The following MYRIP variants were observed in gnomAD, a reference collection of about 807,000 sequenced individuals.
The protein encoded by MYRIP is rab effector MyRIP.
In MYRIP, 49 loss-of-function variants were observed where a neutral mutation model predicts 98.0. That is an observed-to-expected ratio of 0.50 (90% confidence interval 0.40 to 0.63). The LOEUF is 0.63. Ranked by LOEUF, MYRIP falls within the 30% of genes least tolerant of loss-of-function variation. The pLI is 0.00. For missense variants in MYRIP, 1,004 were observed against 1,058.2 expected (o/e 0.95, Z 0.71); for synonymous variants, 404 against 409.5 (o/e 0.99, Z 0.16).
intron 10 of MYRIP, among the ~76,000 whole-genome samples, chr3:40,198,003 A>T (rs1365568431): frequency 6.6e-6 from 1 of 152,302 alleles, no homozygotes; most frequent in East Asian, 1.9e-4. Flanking sequence ...ACCTAGCCAC[A>T]GTATTGAATA....
chr3:40,140,452 GA>G (rs1198201216), intron 3 of MYRIP, among the ~76,000 whole-genome samples: 1 of 152,174 alleles, frequency 6.6e-6, no homozygotes. Flanking sequence ...TCGGTATAAT[GA>G]TTTCCTTTCA....
intron 11 of MYRIP, among the ~76,000 whole-genome samples, chr3:40,217,723 A>G (rs1952168244): frequency 6.6e-6 from 1 of 152,144 alleles, no homozygotes; most frequent in African/African-American, 2.4e-5. Flanking sequence ...TTTTCATCAA[A>G]TTGGGAAGTC....
intron 16 of MYRIP, among the ~76,000 whole-genome samples, chr3:40,257,200 T>A (rs1472617068): frequency 6.6e-6 from 1 of 152,138 alleles, no homozygotes; most frequent in Non-Finnish European, 1.5e-5. Context: ...GGCATATGCC[T>A]GTAGTCCCAG....
At chr3:40,008,894 C>T (rs968199133) in intron 2 of MYRIP, among the ~76,000 whole-genome samples, 2 of 152,206 alleles carry the variant, frequency 1.3e-5, no homozygotes, top group Non-Finnish European at 2.9e-5. Context: ...GCAGACACTG[C>T]GTGATGTTTC....
intron 2 of MYRIP, among the ~76,000 whole-genome samples, chr3:39,937,293 A>G (rs1203139066): frequency 6.6e-6 from 1 of 152,242 alleles, no homozygotes; most frequent in Non-Finnish European, 1.5e-5. Flanking sequence ...AAGAGAAAGT[A>G]GAGTCATGAG....
chr3:40,003,158 T>C (rs1946559761), intron 2 of MYRIP, among the ~76,000 whole-genome samples: 1 of 151,994 alleles, frequency 6.6e-6, no homozygotes. Flanking sequence ...CATCTATAGA[T>C]ATAAATACAG....
At chr3:40,002,600 T>A (rs1946544642) in intron 2 of MYRIP, among the ~76,000 whole-genome samples, 1 of 151,650 alleles carries the variant, frequency 6.6e-6, no homozygotes, top group Non-Finnish European at 1.5e-5. Context: ...GATCTGCTCA[T>A]AAACACAGCA....
intron 1 of MYRIP, among the ~76,000 whole-genome samples, chr3:39,884,043 G>A (rs755383323): frequency 1.3e-5 from 2 of 152,032 alleles, no homozygotes; most frequent in Non-Finnish European, 2.9e-5. Context: ...TTCTAGTCAC[G>A]TTATATTAAA....
chr3:39,996,381 T>A (rs1397916469), intron 2 of MYRIP, among the ~76,000 whole-genome samples: 1 of 152,056 alleles, frequency 6.6e-6, no homozygotes, highest in African/African-American at 2.4e-5. Context: ...GGGGTTGCAA[T>A]CCTAGTCTCT....
intron 12 of MYRIP, among the ~76,000 whole-genome samples, chr3:40,240,620 A>G (rs957359533): frequency 2.6e-5 from 4 of 152,150 alleles, no homozygotes; most frequent in Non-Finnish European, 5.9e-5. Context: ...TTTGAGAATT[A>G]TCTTGTCTCT....
At chr3:40,171,553 C>T (rs1274554396) in intron 8 of MYRIP, among the ~76,000 whole-genome samples, 1 of 152,174 alleles carries the variant, frequency 6.6e-6, no homozygotes, top group Non-Finnish European at 1.5e-5. Flanking sequence ...TCCCACAGCA[C>T]CCCAGACTCA....
Position 39,872,181 on chromosome 3 carries a change from T to G in MYRIP, c.-30-28606T>G, listed in dbSNP as rs374365778. ...ATAGTGCTTCTGATTATAAAGTTAA[T>G]GAATACTTACATAGAGAAATGTAAA... On this transcript the variant is annotated intron_variant, in intron 1 of 16. Transcript: ENST00000302541. Among the ~76,000 whole-genome samples the G allele has an allele frequency of 5.9e-5, 9 of 152,222 alleles. No individual in the cohort carries two copies. The East Asian group carries it at 1.2e-3, about 20-fold the overall frequency.
Position 40,250,424 on chromosome 3 carries a change from G to A in MYRIP, c.2368-15G>A. 6.2e-7 allele frequency: 1 copy of A among 1,614,122 alleles called. No individual in the cohort carries two copies. The highest frequency in any genetic ancestry group is 8.5e-7 in the Non-Finnish European group (1 of 1,179,994). ...GCTCTGCAAAGGTATATTGCTCATT[G>A]TGTTCTGTTTGTAGGTACAAACCAT... On this transcript the variant is annotated splice_polypyrimidine_tract_variant and intron_variant, in intron 14 of 16. Transcript: ENST00000302541.
chr3:40,243,696 C>T (rs1953097415), intron 12 of MYRIP, among the ~76,000 whole-genome samples: 1 of 152,174 alleles, frequency 6.6e-6, no homozygotes, highest in Admixed American at 6.5e-5. Flanking sequence ...TTCACCCTGG[C>T]CCACATCCCT....
intron 2 of MYRIP, among the ~76,000 whole-genome samples, chr3:39,992,186 C>T (rs1454054720): frequency 1.3e-5 from 2 of 152,112 alleles, no homozygotes; most frequent in East Asian, 1.9e-4. Flanking sequence ...AATCTGCTAT[C>T]CCCTACAGTG....
intron 3 of MYRIP, among the ~76,000 whole-genome samples, chr3:40,142,047 ATT>A (rs768094065): frequency 2.4e-3 from 228 of 95,940 alleles, no homozygotes; most frequent in African/African-American, 5.4e-3. Context: ...TATGCTGTTG[ATT>A]TTTTTTTTTT....
At chr3:39,895,387 A>G (rs1943583394) in intron 1 of MYRIP, among the ~76,000 whole-genome samples, 1 of 151,890 alleles carries the variant, frequency 6.6e-6, no homozygotes, top group African/African-American at 2.4e-5. Flanking sequence ...GGGTTTCACC[A>G]TATTGGCCAG....
Position 40,251,984 on chromosome 3 carries a change from C to A in MYRIP, c.2532C>A (p.Thr844=), listed in dbSNP as rs776031121. The part of the protein sequence containing the change: ...STNRTKERKG[T]TKDLMEPALE... ...ACAGGACTAAGGAAAGGAAAGGCAC[C>A]ACCAAGGATTTGATGGTAAATGTCA... is the stretch of plus-strand genomic sequence containing the variant. Residue 844 remains threonine (T), a synonymous_variant, in exon 16 of 17, where the codon ACC becomes ACA. Transcript: ENST00000302541. The A allele has an allele frequency of 6.2e-7, 1 of 1,608,060 alleles. No individual in the cohort carries two copies. The highest frequency in any genetic ancestry group is 1.1e-5 in the South Asian group (1 of 90,912).
At chr3:40,146,190 G>A (rs1045019344) in intron 3 of MYRIP, among the ~76,000 whole-genome samples, 2 of 152,206 alleles carry the variant, frequency 1.3e-5, no homozygotes, top group Non-Finnish European at 2.9e-5. Context: ...AAAAATCAGA[G>A]TAAGAGGACT....
Sources: gnomAD v4.1 joint callset for allele counts (sites outside exome capture counted in the v4.1 genomes callset) on GRCh38, gnomAD v4.1.1 for gene constraint, MANE v1.5 for transcripts, NCBI Gene and HGNC (gene_info 2026-07-23, HGNC 2026-07-21) for gene names.